Variants in DUSP14 observed in about 807,000 individuals in gnomAD.
The protein encoded by DUSP14 is dual specificity phosphatase 14.
DUSP14 carries 5 observed loss-of-function variants against 13.2 expected under a neutral mutation model. The ratio of observed to expected loss-of-function variants is 0.38; its 90% CI spans 0.20 to 0.80. DUSP14 has a LOEUF of 0.80. Ranked by LOEUF, DUSP14 falls within the 30% of genes least tolerant of loss-of-function variation. The pLI is 0.44. For missense variants in DUSP14, 185 were observed against 264.0 expected (o/e 0.70, Z 2.07); for synonymous variants, 91 against 103.4 (o/e 0.88, Z 0.73).
intron 1 of DUSP14, among the ~76,000 whole-genome samples, chr17:37,506,154 A>G (rs896392418): frequency 1.3e-5 from 2 of 151,934 alleles, no homozygotes; most frequent in Non-Finnish European, 2.9e-5. Flanking sequence ...AATCCCAGCT[A>G]CTCGGGAGGC....
chr17:37,511,235 A>G (rs1285022439), intron 2 of DUSP14, among the ~76,000 whole-genome samples: 1 of 152,140 alleles, frequency 6.6e-6, no homozygotes, highest in Non-Finnish European at 1.5e-5. Context: ...TTCCATGGAA[A>G]TGCTACTGTG....
intron 1 of DUSP14, among the ~76,000 whole-genome samples, chr17:37,491,240 G>C (rs2054026285): frequency 6.6e-6 from 1 of 152,200 alleles, no homozygotes; most frequent in African/African-American, 2.4e-5. Flanking sequence ...AAGGCCCCCA[G>C]TCTTGGTTCC....
At chr17:37,489,675 G>C (rs576186561), upstream of DUSP14, among the ~76,000 whole-genome samples, 9 of 151,828 alleles carry the variant, frequency 5.9e-5, no homozygotes, top group East Asian at 1.9e-4. Flanking sequence ...CGCTCTAGGG[G>C]AGGCTGCTGC....
At chr17:37,491,244 T>C (rs1169645743) in intron 1 of DUSP14, among the ~76,000 whole-genome samples, 2 of 152,206 alleles carry the variant, frequency 1.3e-5, no homozygotes, top group Non-Finnish European at 2.9e-5. Flanking sequence ...CCCCCAGTCT[T>C]GGTTCCCTTG....
At position 37,493,183 on chromosome 17, in the gene DUSP14, G is replaced by A. The variant is rs9916552; in HGVS notation, c.-181+3225G>A. Among the ~76,000 whole-genome samples the A allele has an allele frequency of 7.5e-3, 1,139 of 152,156 alleles. 17 individuals are homozygous for A. Among genetic ancestry groups the A allele is most frequent in the African/African-American group, 0.026 (1,079 of 41,502 alleles). On this transcript the variant is annotated intron_variant, in intron 1 of 2. Coordinates refer to ENST00000617516, the MANE Select transcript of DUSP14 (RefSeq NM_007026.4). ...TCACTATATTGCCCAGGCTGGTCTT[G>A]AACTCCTGGGCTCAAGGGATCCTCC...
At position 37,489,957 on chromosome 17, in the gene DUSP14, CGGTAGGGGACCCGCA is replaced by C. The variant is rs2054015298; in HGVS notation, c.-181+2_-181+16del. The C allele has an allele frequency of 3.3e-5, 3 of 89,938 alleles. No homozygotes were observed. The highest frequency in any genetic ancestry group is 4.2e-4 in the South Asian group (1 of 2,396). The allele number at this position is 89,938 out of a possible 1,614,324, so 5.6% of individuals were successfully genotyped here. On this transcript the variant is annotated splice_donor_variant and splice_donor_5th_base_variant and 5_prime_UTR_variant and intron_variant, in exon 1 of 3. Transcript: ENST00000617516. LOFTEE classifies it low-confidence loss of function (5UTR_SPLICE). ...CAACCCGCTCCGCGCCGCGCCGCGC[CGGTAGGGGACCCGCA>C]GGCCCGGGGGTGGGGGTTGTGGGGA...
At chr17:37,508,408 T>C (rs2054151797) in intron 1 of DUSP14, among the ~76,000 whole-genome samples, 1 of 152,104 alleles carries the variant, frequency 6.6e-6, no homozygotes. Context: ...CATGCTCAGG[T>C]TTGAGAGCCC....
intron 1 of DUSP14, among the ~76,000 whole-genome samples, chr17:37,502,731 G>A (rs780172201): frequency 8.5e-5 from 13 of 152,126 alleles, no homozygotes; most frequent in Non-Finnish European, 1.0e-4. Context: ...TGGCCTCTCC[G>A]TGTGGTAGCT....
intron 1 of DUSP14, among the ~76,000 whole-genome samples, chr17:37,499,298 G>A (rs866465): frequency 0.2 from 29,720 of 152,052 alleles, 3,315 homozygotes; most frequent in East Asian, 0.55. Context: ...GGGACACAGA[G>A]CCTAACCATA....
chr17:37,494,057 G>T (rs938460666), intron 1 of DUSP14, among the ~76,000 whole-genome samples: 1 of 150,142 alleles, frequency 6.7e-6, no homozygotes, highest in African/African-American at 2.5e-5. Flanking sequence ...GCAGTGGCGC[G>T]ATCTCGGCTC....
intron 1 of DUSP14, among the ~76,000 whole-genome samples, chr17:37,499,325 C>CT (rs1317878887): frequency 6.6e-6 from 1 of 151,842 alleles, no homozygotes; most frequent in African/African-American, 2.4e-5. Flanking sequence ...GGCAAACTTT[C>CT]TTTTTTTTAT....
intron 1 of DUSP14, chr17:37,491,448 C>T (rs1006307273): frequency 6.6e-6 from 1 of 152,172 alleles, no homozygotes; most frequent in Non-Finnish European, 1.5e-5. Context: ...GGCCCTATTC[C>T]TGCCTCCAGC....
chr17:37,490,666 G>A (rs2054021549), intron 1 of DUSP14, among the ~76,000 whole-genome samples: 1 of 151,992 alleles, frequency 6.6e-6, no homozygotes, highest in Non-Finnish European at 1.5e-5. Flanking sequence ...AGGGAAGGAG[G>A]AGCGACTTAC....
chr17:37,499,076 T>G (rs1199087355), intron 1 of DUSP14, among the ~76,000 whole-genome samples: 1 of 151,864 alleles, frequency 6.6e-6, no homozygotes, highest in Non-Finnish European at 1.5e-5. Flanking sequence ...AGGAAAGAGG[T>G]TTAATTGACT....
chr17:37,492,093 A>G (rs1430696206), intron 1 of DUSP14, among the ~76,000 whole-genome samples: 1 of 152,226 alleles, frequency 6.6e-6, no homozygotes, highest in Non-Finnish European at 1.5e-5. Context: ...TTTAAGTACA[A>G]CTGTTGGTAA....
At chr17:37,508,570 C>T (rs1461429713) in intron 1 of DUSP14, among the ~76,000 whole-genome samples, 1 of 151,930 alleles carries the variant, frequency 6.6e-6, no homozygotes, top group East Asian at 1.9e-4. Context: ...TCCGTCTCTA[C>T]TTAAAGTACA....
At chr17:37,506,692 C>T (rs2054140263) in intron 1 of DUSP14, among the ~76,000 whole-genome samples, 1 of 152,070 alleles carries the variant, frequency 6.6e-6, no homozygotes, top group Admixed American at 6.6e-5. Context: ...TTTTACCATC[C>T]AGTTCTACTG....
chr17:37,490,113 G>A (rs550267204), intron 1 of DUSP14, among the ~76,000 whole-genome samples, 155 bp downstream of exon 1: 1 of 151,560 alleles, frequency 6.6e-6, no homozygotes, highest in Non-Finnish European at 1.5e-5. Flanking sequence ...GCCCCCACCT[G>A]CTCCCTGGCG....
Position 37,512,886 on chromosome 17 carries a change from G to A in DUSP14, c.*17G>A, listed in dbSNP as rs148998348. The A allele has an allele frequency of 3.7e-4, 583 of 1,583,650 alleles. 2 individuals carry two copies. The East Asian group carries it at 9.7e-3, about 26-fold the overall frequency. On this transcript the variant is annotated 3_prime_UTR_variant, in exon 3 of 3. Transcript: ENST00000617516. This position sits in a 1 kb window ranked among gnomAD's most constrained non-coding sequence, Gnocchi z 4.8. ...GGGATTTAGTGCCACTGAAGCCTGC[G>A]TCAGCAGCCCGAGCGGGGCCGGCAT...
Sources: gnomAD v4.1 joint callset for allele counts (sites outside exome capture counted in the v4.1 genomes callset) on GRCh38, gnomAD v4.1.1 for gene constraint, Gnocchi (gnomAD v3.1) non-coding constraint, MANE v1.5 for transcripts, NCBI Gene and HGNC (gene_info 2026-07-23, HGNC 2026-07-21) for gene names.